DNAJC5B: variants seen among roughly 807,000 people sequenced by gnomAD.
The protein encoded by DNAJC5B is DnaJ heat shock protein family (Hsp40) member C5 beta.
In DNAJC5B, 23 loss-of-function variants were observed where a neutral mutation model predicts 24.7. The observed-to-expected ratio is 0.93, with a 90% CI of 0.67 to 1.32. The LOEUF (loss-of-function observed/expected upper bound fraction) is 1.32, where lower values mean the gene tolerates loss of function less well. DNAJC5B is among the 40% of genes most tolerant of loss of function. DNAJC5B has a pLI of 0.00. For missense variants in DNAJC5B, 238 were observed against 240.8 expected (o/e 0.99, Z 0.08); for synonymous variants, 101 against 90.1 (o/e 1.12, Z -0.68).
chr8:66,048,398 G>A (rs1196434471), intron 2 of DNAJC5B, among the ~76,000 whole-genome samples: 1 of 152,202 alleles, frequency 6.6e-6, no homozygotes, highest in East Asian at 1.9e-4. Flanking sequence ...GGCCCAGCCT[G>A]GCCTGGGTGC....
At chr8:66,070,475 A>G (rs2128962792) in intron 3 of DNAJC5B, among the ~76,000 whole-genome samples, 1 of 152,334 alleles carries the variant, frequency 6.6e-6, no homozygotes, top group South Asian at 2.1e-4. Flanking sequence ...AGAAAATAAA[A>G]TACCTAGGAA....
chr8:66,092,886 C>T (rs756325223), intron 5 of DNAJC5B, among the ~76,000 whole-genome samples: 3 of 151,986 alleles, frequency 2.0e-5, no homozygotes, highest in Non-Finnish European at 2.9e-5. Flanking sequence ...TATTGTGTGA[C>T]GCTGAAGTGT....
intron 4 of DNAJC5B, among the ~76,000 whole-genome samples, chr8:66,079,777 G>A (rs1807550926): frequency 1.3e-5 from 2 of 152,206 alleles, no homozygotes; most frequent in Admixed American, 6.5e-5. Context: ...AGGGGAGGCA[G>A]GGAGGCCAGT....
At chr8:66,023,465 A>G (rs1227958993) in intron 1 of DNAJC5B, among the ~76,000 whole-genome samples, 1 of 152,216 alleles carries the variant, frequency 6.6e-6, no homozygotes, top group East Asian at 1.9e-4. Flanking sequence ...AACCAGGGAA[A>G]TTGACTAGCT....
chr8:66,061,783 T>G (rs928026866), intron 3 of DNAJC5B, among the ~76,000 whole-genome samples: 1 of 152,144 alleles, frequency 6.6e-6, no homozygotes, highest in Non-Finnish European at 1.5e-5. Context: ...CTTATAAAAA[T>G]TTTTAGATGC....
rs540037410 is a variant in DNAJC5B, at chr8:66,044,291, C to T, written c.-18+680C>T. ...AGGAATCATAGAAGTAATGACAAAG[C>T]AGCAAAACTTGTTGATTTCCCCAGT... is the stretch of plus-strand genomic sequence containing the variant. On this transcript the variant is annotated intron_variant, in intron 2 of 5. Transcript: ENST00000276570. 1.7e-3 allele frequency among the ~76,000 whole-genome samples: 258 copies of T among 152,208 alleles called. 1 individual carries two copies. The highest frequency in any genetic ancestry group is 4.2e-3 in the Admixed American group (65 of 15,298).
intron 2 of DNAJC5B, among the ~76,000 whole-genome samples, chr8:66,050,890 G>A (rs1382850819): frequency 1.3e-5 from 2 of 152,136 alleles, no homozygotes; most frequent in African/African-American, 4.8e-5. Flanking sequence ...TGACTTATGT[G>A]TACATACATG....
intron 2 of DNAJC5B, among the ~76,000 whole-genome samples, chr8:66,048,983 G>A (rs183570624): frequency 1.3e-5 from 2 of 152,310 alleles, no homozygotes; most frequent in Non-Finnish European, 2.9e-5. Flanking sequence ...TCGTCTGTTT[G>A]ATCTCTATAC....
At chr8:66,027,530 T>C (rs1302994617) in intron 1 of DNAJC5B, among the ~76,000 whole-genome samples, 4 of 150,938 alleles carry the variant, frequency 2.7e-5, no homozygotes, top group African/African-American at 9.9e-5. Flanking sequence ...TAATTCACTA[T>C]AAATGAAAGT....
At chr8:66,065,106 A>T (rs1807162597) in intron 3 of DNAJC5B, among the ~76,000 whole-genome samples, 1 of 152,256 alleles carries the variant, frequency 6.6e-6, no homozygotes. Flanking sequence ...CACCAACTCC[A>T]CTACCACTAG....
intron 1 of DNAJC5B, among the ~76,000 whole-genome samples, 163 bp downstream of exon 1, chr8:66,021,868 C>T (rs1392554754): frequency 6.6e-6 from 1 of 152,174 alleles, no homozygotes; most frequent in African/African-American, 2.4e-5. Context: ...AGGACATTTC[C>T]GAGGCTGTAG....
At position 66,084,842 on chromosome 8, in the gene DNAJC5B, T is replaced by G. The variant is rs114574459; in HGVS notation, c.505+4294T>G. On this transcript the variant is annotated intron_variant, in intron 5 of 5. Transcript: ENST00000276570. ...ATGAAATCATATTTATCAGTTGTTT[T>G]TTAAGTTGATTGTGCTTTTGTGGTG... 7.9e-3 allele frequency among the ~76,000 whole-genome samples: 1,203 copies of G among 152,352 alleles called. 18 individuals are homozygous for G. Among genetic ancestry groups the G allele is most frequent in the African/African-American group, 0.027 (1,138 of 41,586 alleles).
chr8:66,045,416 A>T (rs1443823332), intron 2 of DNAJC5B, among the ~76,000 whole-genome samples: 7 of 152,224 alleles, frequency 4.6e-5, no homozygotes, highest in Admixed American at 4.6e-4. Context: ...TGGCTACTGG[A>T]ATTTCATTTA....
chr8:66,026,601 T>C (rs1055537380), intron 1 of DNAJC5B, among the ~76,000 whole-genome samples: 4 of 152,260 alleles, frequency 2.6e-5, no homozygotes, highest in African/African-American at 9.6e-5. Flanking sequence ...ACACTGCCTG[T>C]CATCCCAGCC....
chr8:66,017,371 G>C (rs1805982356), upstream of DNAJC5B, among the ~76,000 whole-genome samples: 3 of 152,130 alleles, frequency 2.0e-5, no homozygotes, highest in Non-Finnish European at 4.4e-5. Context: ...TACTACCTTT[G>C]TTTTGAGAAA....
chr8:66,083,911 T>C (rs1028995735), intron 5 of DNAJC5B, among the ~76,000 whole-genome samples: 28 of 152,148 alleles, frequency 1.8e-4, no homozygotes, highest in African/African-American at 5.6e-4. Context: ...GATGTTTTTG[T>C]TGATTGTGGC....
chr8:66,089,584 A>G (rs1368361132), intron 5 of DNAJC5B, among the ~76,000 whole-genome samples: 9 of 152,196 alleles, frequency 5.9e-5, no homozygotes, highest in Admixed American at 5.2e-4. Flanking sequence ...TATTATGTGC[A>G]TATTCAAACA....
At chr8:66,082,214 A>C (rs1586110082) in intron 5 of DNAJC5B, among the ~76,000 whole-genome samples, 1 of 152,066 alleles carries the variant, frequency 6.6e-6, no homozygotes, top group East Asian at 1.9e-4. Context: ...AAGAGACAGC[A>C]AGATAGGAGA....
At chr8:66,020,594 CTGTGTGTGTGTG>C (rs10526018), upstream of DNAJC5B, among the ~76,000 whole-genome samples, 1,134 of 132,428 alleles carry the variant, frequency 8.6e-3, 8 homozygotes, top group South Asian at 0.016. Context: ...AATCAATACT[CTGTGTGTGTGTG>C]TGTGTGTGTG....
Sources: allele counts gnomAD v4.1 joint callset (sites outside exome capture counted in the v4.1 genomes callset), GRCh38; gene constraint gnomAD v4.1.1; transcripts MANE v1.5; gene names NCBI Gene and HGNC (gene_info 2026-07-23, HGNC 2026-07-21).